The following BARD1 variants were observed in gnomAD, a reference collection of about 807,000 sequenced individuals.
BARD1 encodes the protein BRCA1 associated RING domain 1.
In BARD1, 73 loss-of-function variants were observed where a neutral mutation model predicts 77.0. The observed-to-expected ratio is 0.95, with a 90% CI of 0.79 to 1.15. BARD1 has a LOEUF of 1.15. Among genes scored for constraint, BARD1 ranks in the 50% most tolerant of loss-of-function variants. The pLI is 0.00. For missense variants in BARD1, 993 were observed against 938.8 expected, an observed-to-expected ratio of 1.06 and a Z score of -0.75; for synonymous variants, 384 against 338.0, an observed-to-expected ratio of 1.14 and a Z score of -1.49.
chr2:214,790,065 T>A (rs1230528229), intron 3 of BARD1, among the ~76,000 whole-genome samples: 3 of 152,080 alleles, frequency 2.0e-5, no homozygotes, highest in African/African-American at 7.2e-5. Flanking sequence ...GAAGAAAGCA[T>A]TTCATATTCC....
In BARD1 at chr2:214,726,483, A is replaced by G. The variant is rs1405799122; in HGVS notation, c.*2193T>C. 3 of 217,216 alleles carry G rather than the reference A, an allele frequency of 1.4e-5. No individual in the cohort carries two copies. The Admixed American group carries it at 1.7e-4, about 13-fold the overall frequency. 13.5% of individuals were successfully genotyped at this position (217,216 alleles called of 1,614,324 possible). On this transcript the variant is annotated 3_prime_UTR_variant, in exon 11 of 11. Transcript: ENST00000260947. ...TCTAAGGTAATAAAGTATCTAGTACACTTTAGAAATATTTTTATTCAAAAT... is the reference window on the plus strand; with the variant it reads ...TCTAAGGTAATAAAGTATCTAGTACGCTTTAGAAATATTTTTATTCAAAAT...
chr2:214,739,055 A>C (rs1227329209), intron 9 of BARD1, among the ~76,000 whole-genome samples: 3 of 152,122 alleles, frequency 2.0e-5, no homozygotes, highest in Non-Finnish European at 2.9e-5. Context: ...AGGCTGAAGC[A>C]GGAGGATCAC....
At chr2:214,731,426 G>A (rs1299887454) in intron 9 of BARD1, among the ~76,000 whole-genome samples, 1 of 152,194 alleles carries the variant, frequency 6.6e-6, no homozygotes, top group East Asian at 1.9e-4. Context: ...ACCACCAAGC[G>A]AGGGAACTGA....
chr2:214,773,450 C>A (rs945154802), intron 4 of BARD1, among the ~76,000 whole-genome samples: 3 of 152,064 alleles, frequency 2.0e-5, no homozygotes, highest in Admixed American at 6.6e-5. Flanking sequence ...TCTGTAGCTT[C>A]TTAGAATTTA....
At chr2:214,791,174 G>C (rs949884404) in intron 3 of BARD1, among the ~76,000 whole-genome samples, 1 of 152,080 alleles carries the variant, frequency 6.6e-6, no homozygotes, top group Non-Finnish European at 1.5e-5. Context: ...TATCATAAAA[G>C]AATGGAGTTG....
At chr2:214,793,706 T>G (rs1695630789) in intron 2 of BARD1, among the ~76,000 whole-genome samples, 1 of 152,296 alleles carries the variant, frequency 6.6e-6, no homozygotes, top group African/African-American at 2.4e-5. Context: ...TTTATATTTC[T>G]ATAACATTTT....
intron 3 of BARD1, among the ~76,000 whole-genome samples, chr2:214,790,504 TTC>T (rs1203728184): frequency 6.6e-6 from 1 of 152,108 alleles, no homozygotes; most frequent in Admixed American, 6.6e-5. Flanking sequence ...CTAAAACAGG[TTC>T]TGTCTCACAG....
chr2:214,752,398 C>T, intron 7 of BARD1, 49 bp downstream of exon 7: 1 of 1,498,664 alleles, frequency 6.7e-7, no homozygotes, highest in Non-Finnish European at 9.3e-7. Context: ...CCTTTCATAA[C>T]CAATTTTAAT....
Position 214,807,968 on chromosome 2 carries a change from AAC to A in BARD1, c.158+1442_158+1443del, listed in dbSNP as rs112026112. ...ATGACCCATGTGCTACAGGAAAACA[AAC>A]ACACAACTCAAATGTCTTCATGTAC... On this transcript the variant is annotated intron_variant, in intron 1 of 10. Transcript: ENST00000260947. 5.2e-3 allele frequency among the ~76,000 whole-genome samples: 791 copies of A among 152,370 alleles called. 9 individuals carry two copies. The highest frequency in any genetic ancestry group is 0.018 in the African/African-American group (731 of 41,586).
At position 214,727,386 on chromosome 2, in the gene BARD1, G is replaced by A. The variant is rs1273243902; in HGVS notation, c.*1290C>T. ...TCAAACTGTCCTCTTTTGTTCATGA[G>A]GAACCAAACTGGCAAGTCTCTCAGT... On this transcript the variant is annotated 3_prime_UTR_variant, in exon 11 of 11. Coordinates refer to ENST00000260947, the MANE Select transcript of BARD1 (RefSeq NM_000465.4). 4.3e-6 allele frequency: 1 copy of A among 231,920 alleles called. No individual in the cohort carries two copies. The highest frequency in any genetic ancestry group is 8.5e-6 in the Non-Finnish European group (1 of 117,370). The allele number at this position is 231,920 out of a possible 1,614,324, so 14.4% of individuals were successfully genotyped here.
chr2:214,778,151 G>A (rs1477235246), intron 4 of BARD1, among the ~76,000 whole-genome samples: 1 of 151,988 alleles, frequency 6.6e-6, no homozygotes, highest in Admixed American at 6.5e-5. Context: ...AGCTGAGATT[G>A]TGCCACTGCA....
chr2:214,796,227 T>A (rs1489341414), intron 2 of BARD1, among the ~76,000 whole-genome samples: 1 of 152,198 alleles, frequency 6.6e-6, no homozygotes, highest in Non-Finnish European at 1.5e-5. Context: ...TCTTCTGACC[T>A]GTAAGCCAGG....
chr2:214,756,278 T>G (rs1286835584), intron 6 of BARD1, among the ~76,000 whole-genome samples: 1 of 152,110 alleles, frequency 6.6e-6, no homozygotes, highest in Non-Finnish European at 1.5e-5. Context: ...AAAACCATAT[T>G]GATACCACCT....
At chr2:214,794,876 C>A (rs1354575408) in intron 2 of BARD1, among the ~76,000 whole-genome samples, 3 of 152,182 alleles carry the variant, frequency 2.0e-5, no homozygotes, top group Non-Finnish European at 2.9e-5. Context: ...TGAATGAATT[C>A]TTTCCTACGT....
chr2:214,788,729 C>A (rs1695388726), intron 3 of BARD1, among the ~76,000 whole-genome samples: 1 of 151,984 alleles, frequency 6.6e-6, no homozygotes, highest in African/African-American at 2.4e-5. Flanking sequence ...TAATCTAATA[C>A]CCTTATCCTA....
intron 3 of BARD1, among the ~76,000 whole-genome samples, chr2:214,783,301 T>C (rs546228394): frequency 1.1e-4 from 16 of 152,280 alleles, no homozygotes; most frequent in African/African-American, 3.8e-4. Context: ...ATGGCCAGTA[T>C]ACCTCACTTA....
chr2:214,787,714 T>C (rs1179593590), intron 3 of BARD1, among the ~76,000 whole-genome samples: 1 of 151,984 alleles, frequency 6.6e-6, no homozygotes, highest in Non-Finnish European at 1.5e-5. Flanking sequence ...GAGATGCATG[T>C]GTTACTAAGG....
intron 3 of BARD1, among the ~76,000 whole-genome samples, chr2:214,784,711 T>C (rs1695191821): frequency 6.6e-6 from 1 of 151,786 alleles, no homozygotes; most frequent in African/African-American, 2.4e-5. Flanking sequence ...AAAGAATGAG[T>C]TCATGTACTT....
At chr2:214,756,953 CA>C (rs1471865864) in intron 6 of BARD1, among the ~76,000 whole-genome samples, 1 of 152,022 alleles carries the variant, frequency 6.6e-6, no homozygotes, top group Non-Finnish European at 1.5e-5. Flanking sequence ...AACCAAATAC[CA>C]CTTGTTCCCA....
Sources: allele counts gnomAD v4.1 joint callset (sites outside exome capture counted in the v4.1 genomes callset), GRCh38; gene constraint gnomAD v4.1.1; transcripts MANE v1.5; gene names NCBI Gene and HGNC (gene_info 2026-07-23, HGNC 2026-07-21).